The following FGF12 variants were observed in gnomAD, a reference collection of about 807,000 sequenced individuals.
FGF12 encodes the protein fibroblast growth factor 12, also known as fibroblast growth factor 12B.
In FGF12, 14 loss-of-function variants were observed where a neutral mutation model predicts 23.6. The observed-to-expected ratio is 0.59, with a 90% CI of 0.39 to 0.93. The LOEUF (loss-of-function observed/expected upper bound fraction) is 0.93, where lower values mean the gene tolerates loss of function less well. FGF12 is among the 40% of genes least tolerant of loss of function. The probability of loss-of-function intolerance (pLI) is 0.00; values close to 1 mark genes in which losing one functional copy is unlikely to be tolerated. For missense variants in FGF12, 175 were observed against 217.8 expected, an observed-to-expected ratio of 0.80 and a Z score of 1.24; for synonymous variants, 62 against 77.3, an observed-to-expected ratio of 0.80 and a Z score of 1.04.
chr3:192,429,810 G>T (rs749961787), intron 2 of FGF12, among the ~76,000 whole-genome samples: 1 of 152,052 alleles, frequency 6.6e-6, no homozygotes. Context: ...AATGCAGCTG[G>T]TGTATTTTGC....
intron 2 of FGF12, among the ~76,000 whole-genome samples, chr3:192,374,283 C>T (rs1282656824): frequency 6.6e-6 from 1 of 152,160 alleles, no homozygotes. Flanking sequence ...AAACTCTTCC[C>T]AAGTATGTAT....
chr3:192,156,407 G>T (rs957605115), intron 5 of FGF12, among the ~76,000 whole-genome samples: 1 of 152,092 alleles, frequency 6.6e-6, no homozygotes, highest in Non-Finnish European at 1.5e-5. Context: ...ATTTTCAGCA[G>T]GTATGATGTT....
intron 2 of FGF12, among the ~76,000 whole-genome samples, chr3:192,631,337 C>T (rs1179138455): frequency 6.6e-6 from 1 of 152,212 alleles, no homozygotes; most frequent in Non-Finnish European, 1.5e-5. Flanking sequence ...CTCTAGCATC[C>T]ATCACGACAT....
At chr3:192,190,608 T>TACTC (rs1716735825) in intron 4 of FGF12, among the ~76,000 whole-genome samples, 1 of 151,352 alleles carries the variant, frequency 6.6e-6, no homozygotes, top group Non-Finnish European at 1.5e-5. Flanking sequence ...CCCGAGTAGC[T>TACTC]GGGACTACAG....
intron 4 of FGF12, among the ~76,000 whole-genome samples, chr3:192,330,199 G>T (rs1047156936): frequency 1.3e-5 from 2 of 151,962 alleles, no homozygotes; most frequent in African/African-American, 4.8e-5. Flanking sequence ...TCTCAATGTC[G>T]TTTTTTGCAC....
At chr3:192,661,416 C>A (rs541454064) in intron 2 of FGF12, among the ~76,000 whole-genome samples, 1 of 152,112 alleles carries the variant, frequency 6.6e-6, no homozygotes, top group Non-Finnish European at 1.5e-5. Context: ...ATCCCAGCTA[C>A]TTGGGAGACT....
At chr3:192,634,752 A>G (rs1034872048) in intron 2 of FGF12, among the ~76,000 whole-genome samples, 1 of 152,194 alleles carries the variant, frequency 6.6e-6, no homozygotes, top group African/African-American at 2.4e-5. Flanking sequence ...TAAATTACTT[A>G]AAATTAATTA....
chr3:192,223,781 A>G (rs1358475498), intron 4 of FGF12, among the ~76,000 whole-genome samples: 1 of 152,182 alleles, frequency 6.6e-6, no homozygotes, highest in East Asian at 1.9e-4. Flanking sequence ...GAAAAAATAT[A>G]AATGGTAACA....
chr3:192,348,692 G>A (rs191297439), intron 3 of FGF12, among the ~76,000 whole-genome samples: 113 of 152,162 alleles, frequency 7.4e-4, no homozygotes, highest in African/African-American at 2.6e-3. Flanking sequence ...AGATAAATTC[G>A]AGATACAGTG....
At chr3:192,190,691 G>T (rs1357796379) in intron 4 of FGF12, among the ~76,000 whole-genome samples, 1 of 151,700 alleles carries the variant, frequency 6.6e-6, no homozygotes, top group Non-Finnish European at 1.5e-5. Context: ...TAGCCGGGAT[G>T]GTCTCCATCT....
At chr3:192,340,745 C>A (rs919471393) in intron 3 of FGF12, among the ~76,000 whole-genome samples, 9 of 152,034 alleles carry the variant, frequency 5.9e-5, no homozygotes, top group African/African-American at 2.2e-4. Context: ...GCTGAAAAAA[C>A]TGGGTATTCA....
intron 4 of FGF12, among the ~76,000 whole-genome samples, chr3:192,213,642 C>T (rs1718045859): frequency 6.6e-6 from 1 of 152,188 alleles, no homozygotes; most frequent in Non-Finnish European, 1.5e-5. Context: ...TTCATTTTAA[C>T]TGCCTCATTT....
intron 2 of FGF12, among the ~76,000 whole-genome samples, chr3:192,606,026 T>G (rs1440930117): frequency 6.6e-6 from 1 of 152,142 alleles, no homozygotes; most frequent in African/African-American, 2.4e-5. Flanking sequence ...TGGGTATATA[T>G]TCAAAAGGAA....
intron 4 of FGF12, among the ~76,000 whole-genome samples, chr3:192,277,696 C>A (rs965448854): frequency 6.6e-6 from 1 of 152,184 alleles, no homozygotes; most frequent in Admixed American, 6.5e-5. Context: ...GGAAGTCCAC[C>A]GCCCAGCATC....
chr3:192,588,992 C>T (rs1713508773), intron 2 of FGF12, among the ~76,000 whole-genome samples: 1 of 151,852 alleles, frequency 6.6e-6, no homozygotes, highest in South Asian at 2.1e-4. Context: ...TGACAGAGGT[C>T]GCTAGAAACT....
At chr3:192,625,602 T>C (rs1235124627) in intron 2 of FGF12, among the ~76,000 whole-genome samples, 1 of 152,114 alleles carries the variant, frequency 6.6e-6, no homozygotes, top group Non-Finnish European at 1.5e-5. Context: ...CAATACAGAT[T>C]CTAGGTTTTT....
At chr3:192,281,812 A>C (rs1560050149) in intron 4 of FGF12, among the ~76,000 whole-genome samples, 1 of 152,180 alleles carries the variant, frequency 6.6e-6, no homozygotes, top group Non-Finnish European at 1.5e-5. Flanking sequence ...TATAGCCCTT[A>C]TGCAATCCTA....
intron 2 of FGF12, among the ~76,000 whole-genome samples, chr3:192,567,827 CTCTT>C (rs1179805390): frequency 7.1e-6 from 1 of 141,218 alleles, no homozygotes; most frequent in Non-Finnish European, 1.5e-5. Flanking sequence ...CTCTCTCTCT[CTCTT>C]TTCTTTCTTT....
intron 5 of FGF12, among the ~76,000 whole-genome samples, chr3:192,148,039 G>T (rs761774475): frequency 2.4e-4 from 36 of 152,116 alleles, no homozygotes; most frequent in Non-Finnish European, 4.3e-4. Flanking sequence ...AGCCACCGTG[G>T]AAAATGAAAT....
Sources: allele counts gnomAD v4.1 joint callset (sites outside exome capture counted in the v4.1 genomes callset), GRCh38; gene constraint gnomAD v4.1.1; transcripts MANE v1.5; gene names NCBI Gene and HGNC (gene_info 2026-07-23, HGNC 2026-07-21).